The following TEKT2 variants were observed in gnomAD, a reference collection of about 807,000 sequenced individuals.
The protein encoded by TEKT2 is tektin-2.
Under a neutral mutation model 49.8 loss-of-function variants are expected in TEKT2, and 45 were observed. That is an observed-to-expected ratio of 0.90 (90% CI 0.71 to 1.16). The LOEUF (loss-of-function observed/expected upper bound fraction) is 1.16. Ranked by LOEUF, TEKT2 falls within the 50% of genes most tolerant of loss-of-function variation. TEKT2 has a pLI of 0.00. For synonymous variants in TEKT2, 202 were observed against 224.6 expected (o/e 0.90, Z 0.90); for missense variants, 523 against 551.4 (o/e 0.95, Z 0.52).
rs755599785 is a variant in TEKT2 at position 36,085,074 on chromosome 1, C to A, written c.153C>A (p.Asn51Lys). Residue 51 changes from asparagine (N) to lysine (K), a missense_variant, in exon 2 of 10, where the codon AAC becomes AAA. By Grantham distance (94) the Asn-to-Lys change is moderately conservative. Coordinates refer to ENST00000207457, the MANE Select transcript of TEKT2 (RefSeq NM_014466.3). ...EARVLRNETN[N>K]QTIWDEHDNR... ...GGGTGCTCCGCAACGAGACCAACAA[C>A]CAGGTTGGGGATGGGAACTCAGCTG... 1 of 1,614,212 alleles carries A rather than the reference C, an allele frequency of 6.2e-7. No homozygotes were observed. The highest frequency in any genetic ancestry group is 1.1e-5 in the South Asian group (1 of 91,092).
intron 4 of TEKT2, among the ~76,000 whole-genome samples, chr1:36,086,362 C>T (rs1213504132): frequency 6.6e-6 from 1 of 152,142 alleles, no homozygotes; most frequent in African/African-American, 2.4e-5. Flanking sequence ...CAGCTACATC[C>T]GTGTGCCCCG....
chr1:36,087,397 G>T lies in TEKT2; in HGVS notation c.856-42G>T. 2 of 1,613,872 alleles carry T rather than the reference G, an allele frequency of 1.2e-6. No homozygotes were observed. The highest frequency in any genetic ancestry group is 1.7e-6 in the Non-Finnish European group (2 of 1,180,000). ...AGGAGGCACTGGACCAGGCATGCACGTGAGTCCAGCAGGTGGAAACCAGTC... is the reference window on the plus strand; with the variant it reads ...AGGAGGCACTGGACCAGGCATGCACTTGAGTCCAGCAGGTGGAAACCAGTC... On this transcript the variant is annotated intron_variant, in intron 7 of 9. Transcript: ENST00000207457. This position sits in a 1 kb window ranked among gnomAD's most constrained non-coding sequence, Gnocchi z 4.9.
Position 36,088,230 on chromosome 1 carries a change from G to C in TEKT2, c.*44G>C, listed in dbSNP as rs530428958. On this transcript the variant is annotated 3_prime_UTR_variant, in exon 10 of 10. Transcript: ENST00000207457. ...GGAGGGCAGGGTTGGGTGGGCAATGGAAGGAGGGAGGAGAGAAATGAATGG... is the reference window on the plus strand; with the variant it reads ...GGAGGGCAGGGTTGGGTGGGCAATGCAAGGAGGGAGGAGAGAAATGAATGG... The C allele has an allele frequency of 1.8e-5, 26 of 1,470,726 alleles. No homozygotes were observed. In the South Asian group the frequency reaches 2.9e-4, roughly 16 times the overall value. The allele number at this position is 1,470,726 out of a possible 1,614,324, so 91.1% of individuals were successfully genotyped here. A position where few individuals can be genotyped will look rare whatever the true frequency, so the allele number is the denominator to read the frequency against.
chr1:36,085,709 G>A lies in TEKT2; in HGVS notation c.283-127G>A, dbSNP rs534113114. The A allele has an allele frequency of 3.0e-5, 28 of 927,950 alleles. No individual in the cohort carries two copies. In the African/African-American group the frequency reaches 3.1e-4, roughly 10 times the overall value. 57.5% of individuals were successfully genotyped at this position (927,950 alleles called of 1,614,324 possible). On this transcript the variant is annotated intron_variant, in intron 3 of 9. Transcript: ENST00000207457. ...TAATTTTTGTATTTTTAGTAGAGAC[G>A]GGGTTTCACCATTTTGGCCAGGCTG... is the stretch of plus-strand genomic sequence containing the variant.
chr1:36,084,579 C>A lies in TEKT2; in HGVS notation c.-52-291C>A. ...ATTTTTTTCTGCCATCCGCCTACCC[C>A]CCAGGCATTTGGCACTTCACACACA... On this transcript the variant is annotated intron_variant, in intron 1 of 9. Coordinates refer to ENST00000207457, the MANE Select transcript of TEKT2 (RefSeq NM_014466.3). The surrounding 1 kb of genome is among the most constrained non-coding windows in gnomAD (Gnocchi z 4.1). The A allele has an allele frequency of 2.4e-6, 1 of 425,208 alleles. No homozygotes were observed. 26.3% of individuals were successfully genotyped at this position (425,208 alleles called of 1,614,324 possible).
At position 36,086,032 on chromosome 1, in the gene TEKT2, A is replaced by G; in HGVS notation, c.479A>G (p.Glu160Gly). 6.3e-7 allele frequency: 1 copy of G among 1,581,668 alleles called. No homozygotes were observed. The highest frequency in any genetic ancestry group is 1.3e-5 in the African/African-American group (1 of 74,314). The change falls in exon 4 of 10, where the codon GAG (glutamate) becomes GGG (glycine). Residue 160 changes from glutamate (E) to glycine (G), a missense_variant. By Grantham distance (98) the Glu-to-Gly change is moderately conservative. Coordinates refer to ENST00000207457, the MANE Select transcript of TEKT2 (RefSeq NM_014466.3). ...CAACAGAAGGTCAGCCAGGCCTTCG[A>G]GCAGCTCTGGTAAGGGAGAGGCAGG... is the stretch of plus-strand genomic sequence containing the variant. ...ALQQKVSQAF[E>G]QLCLLQEVQQ...
chr1:36,088,262 T>C lies in TEKT2; in HGVS notation c.*76T>C. The stretch of plus-strand genomic sequence containing the variant: ...GGAGGAGAGAAATGAATGGAATAAA[T>C]GCAGAGGATCTCAGGCCGGCTGTTC... On this transcript the variant is annotated 3_prime_UTR_variant, in exon 10 of 10. Coordinates refer to ENST00000207457, the MANE Select transcript of TEKT2 (RefSeq NM_014466.3). The C allele has an allele frequency of 7.5e-7, 1 of 1,342,072 alleles. No individual in the cohort carries two copies. Among genetic ancestry groups the C allele is most frequent in the South Asian group, 1.3e-5 (1 of 78,364 alleles). The allele number at this position is 1,342,072 out of a possible 1,614,324, so 83.1% of individuals were successfully genotyped here.
chr1:36,085,432 G>T, intron 3 of TEKT2, 144 bp downstream of exon 3: 1 of 1,255,766 alleles, frequency 8.0e-7, no homozygotes, highest in Non-Finnish European at 1.1e-6. Context: ...GGGGACAAGC[G>T]CTACTTCCCC....
Position 36,086,949 on chromosome 1 carries a change from G to C in TEKT2, c.651G>C (p.Gln217His), listed in dbSNP as rs767760815. The C allele has an allele frequency of 6.2e-7, 1 of 1,613,926 alleles. No homozygotes were observed. Among genetic ancestry groups the C allele is most frequent in the South Asian group, 1.1e-5 (1 of 91,078 alleles). The change falls in exon 6 of 10, where the codon CAG becomes CAC. Residue 217 changes from glutamine to histidine, a missense_variant. Transcript: ENST00000207457. ...RVPDGSTTLQ[Q>H]WDDFSRFNKD... ...CCTGCAGCTCCACCACACTCCAGCA[G>C]TGGGATGACTTCAGTCGGTTCAACA...
rs762800392 is a variant in TEKT2, at chr1:36,087,744, C to T, written c.1016C>T (p.Thr339Ile). The T allele has an allele frequency of 5.0e-6, 8 of 1,613,642 alleles. No individual in the cohort carries two copies. In the African/African-American group the frequency reaches 9.3e-5, roughly 19 times the overall value. The change falls in exon 9 of 10, where the codon ACC becomes ATC. Residue 339 changes from threonine to isoleucine, a missense_variant. By Grantham distance (89) the Thr-to-Ile change is moderately conservative (BLOSUM62 -1). Coordinates refer to ENST00000207457, the MANE Select transcript of TEKT2 (RefSeq NM_014466.3). This position sits in a 1 kb window ranked among gnomAD's most constrained non-coding sequence, Gnocchi z 4.9. ...LCRDQAQYGL[T>I]DEVHQLEATI... Reference sequence around the variant, plus strand: ...TGCCTCCAGGCACAGTACGGCCTCACCGACGAGGTTCACCAGCTAGAGGCA... The same window carrying T: ...TGCCTCCAGGCACAGTACGGCCTCATCGACGAGGTTCACCAGCTAGAGGCA...
intron 3 of TEKT2, 138 bp downstream of exon 3, chr1:36,085,426 A>G: frequency 7.7e-7 from 1 of 1,307,146 alleles, no homozygotes; most frequent in South Asian, 1.2e-5. Flanking sequence ...TAAAGTGGGG[A>G]CAAGCGCTAC....
chr1:36,086,104 G>A lies in TEKT2; in HGVS notation c.488+63G>A, dbSNP rs538550158. The A allele has an allele frequency of 2.0e-4, 299 of 1,525,722 alleles. No homozygotes were observed. The African/African-American group carries it at 3.6e-3, about 18-fold the overall frequency. 94.5% of individuals were successfully genotyped at this position (1,525,722 alleles called of 1,614,324 possible). ...CCTGGAGGCTGTGTGCCTTCAATGT[G>A]GAACACAGGTATTGTGGATGAGGAG... On this transcript the variant is annotated intron_variant, in intron 4 of 9. Coordinates refer to ENST00000207457, the MANE Select transcript of TEKT2 (RefSeq NM_014466.3).
chr1:36,087,578 A>G lies in TEKT2; in HGVS notation c.995A>G (p.Asp332Gly). 2 of 1,613,734 alleles carry G rather than the reference A, an allele frequency of 1.2e-6. No homozygotes were observed. The highest frequency in any genetic ancestry group is 1.7e-6 in the Non-Finnish European group (2 of 1,180,008). ...TYRPNVELCR[D>G]QAQYGLTDEV... is the part of the protein sequence containing the mutation. ...CGGCCCAACGTGGAACTCTGCCGGGACCAGGTGAGAGGGTGTCCCAGTGGC... is the reference window on the plus strand; with the variant it reads ...CGGCCCAACGTGGAACTCTGCCGGGGCCAGGTGAGAGGGTGTCCCAGTGGC... The change falls in exon 8 of 10, where the codon GAC (aspartate) becomes GGC (glycine). Residue 332 changes from aspartate to glycine, a missense_variant. Transcript: ENST00000207457. The surrounding 1 kb of genome is among the most constrained non-coding windows in gnomAD (Gnocchi z 4.9).
rs767870106 is a variant in TEKT2, at chr1:36,088,023, T to G, written c.1130T>G (p.Ile377Ser). 3 of 1,612,394 alleles carry G rather than the reference T, an allele frequency of 1.9e-6. No homozygotes were observed. Among genetic ancestry groups the G allele is most frequent in the African/African-American group, 2.7e-5 (2 of 74,902 alleles). ...CKHLARLQAD[I>S]ACKANSMLLD... ...CACCTGGCCCGGCTGCAGGCTGACA[T>G]TGCCTGCAAGGCCAACTCCATGCTG... The change falls in exon 10 of 10, where the codon ATT (isoleucine) becomes AGT (serine). Residue 377 changes from isoleucine to serine, a missense_variant. Transcript: ENST00000207457.
chr1:36,087,554 G>A lies in TEKT2; in HGVS notation c.971G>A (p.Arg324Gln), dbSNP rs148157718. The A allele has an allele frequency of 3.7e-5, 60 of 1,613,686 alleles. No individual in the cohort carries two copies. The highest frequency in any genetic ancestry group is 6.7e-5 in the Admixed American group (4 of 60,008). Residue 324 changes from arginine (R) to glutamine (Q), a missense_variant, in exon 8 of 10, where the codon CGG (arginine) becomes CAG (glutamine). Physicochemically the swap from Arg to Gln is conservative, Grantham distance 43 (BLOSUM62 1). Coordinates refer to ENST00000207457, the MANE Select transcript of TEKT2 (RefSeq NM_014466.3). The surrounding 1 kb of genome is among the most constrained non-coding windows in gnomAD (Gnocchi z 4.9). ...ACCCGGCTAGAGGCCAGAACCTACC[G>A]GCCCAACGTGGAACTCTGCCGGGAC... ...SHTRLEARTY[R>Q]PNVELCRDQA...
At position 36,086,841 on chromosome 1, in the gene TEKT2, C is replaced by T; in HGVS notation, c.626C>T (p.Pro209Leu). 1.2e-6 allele frequency: 2 copies of T among 1,614,196 alleles called. No individual in the cohort carries two copies. Among genetic ancestry groups the T allele is most frequent in the Non-Finnish European group, 1.7e-6 (2 of 1,180,036 alleles). Reference sequence around the variant, plus strand: ...CTGAAGGTTGACCCCACACGTGTACCTGATGGGTAAGAAGAGTGTTTCAGC... The same window carrying T: ...CTGAAGGTTGACCCCACACGTGTACTTGATGGGTAAGAAGAGTGTTTCAGC... ...ISLKVDPTRV[P>L]DGSTTLQQWD... The change falls in exon 5 of 10, where the codon CCT becomes CTT. Residue 209 changes from proline (P) to leucine (L), a missense_variant. By Grantham distance (98) the Pro-to-Leu change is moderately conservative. Coordinates refer to ENST00000207457, the MANE Select transcript of TEKT2 (RefSeq NM_014466.3).
chr1:36,084,773 C>A lies in TEKT2; in HGVS notation c.-52-97C>A. 1 of 1,218,320 alleles carries A rather than the reference C, an allele frequency of 8.2e-7. No individual in the cohort carries two copies. Among genetic ancestry groups the A allele is most frequent in the Non-Finnish European group, 1.2e-6 (1 of 834,994 alleles). 75.5% of individuals were successfully genotyped at this position (1,218,320 alleles called of 1,614,324 possible). Reference sequence around the variant, plus strand: ...CAAGCAGGCTTCCAGCAGGACAGGGCTCAGAGCAAAATGGACAGGAACAAG... The same window carrying A: ...CAAGCAGGCTTCCAGCAGGACAGGGATCAGAGCAAAATGGACAGGAACAAG... On this transcript the variant is annotated intron_variant, in intron 1 of 9. Transcript: ENST00000207457. This position sits in a 1 kb window ranked among gnomAD's most constrained non-coding sequence, Gnocchi z 4.1.
chr1:36,085,630 T>C, intron 3 of TEKT2: 5 of 559,530 alleles, frequency 8.9e-6, no homozygotes, highest in Non-Finnish European at 1.6e-5. Flanking sequence ...TTCTCCTGCC[T>C]CAGCCTCCTG....
rs1177198209 is a variant in TEKT2 at position 36,088,238 on chromosome 1, G to C, written c.*52G>C. On this transcript the variant is annotated 3_prime_UTR_variant, in exon 10 of 10. Coordinates refer to ENST00000207457, the MANE Select transcript of TEKT2 (RefSeq NM_014466.3). ...GGGTTGGGTGGGCAATGGAAGGAGG[G>C]AGGAGAGAAATGAATGGAATAAATG... The C allele has an allele frequency of 2.7e-6, 4 of 1,487,024 alleles. No homozygotes were observed. The East Asian group carries it at 7.0e-5, about 26-fold the overall frequency. 92.1% of individuals were successfully genotyped at this position (1,487,024 alleles called of 1,614,324 possible).
Sources: gnomAD v4.1 joint callset for allele counts (sites outside exome capture counted in the v4.1 genomes callset) on GRCh38, gnomAD v4.1.1 for gene constraint, Gnocchi (gnomAD v3.1) non-coding constraint, MANE v1.5 for transcripts, NCBI Gene and HGNC (gene_info 2026-07-23, HGNC 2026-07-21) for gene names.